The following STK31 variants were observed in gnomAD, a reference collection of about 807,000 sequenced individuals.
STK31 encodes the protein serine/threonine-protein kinase 31.
STK31 carries 89 observed loss-of-function variants against 129.7 expected under a neutral mutation model. The ratio of observed to expected loss-of-function variants is 0.69; its 90% confidence interval spans 0.58 to 0.82. The LOEUF is 0.82. STK31 is among the 40% of genes least tolerant of loss of function. The pLI is 0.00. For synonymous variants in STK31, 448 were observed against 395.3 expected (o/e 1.13, Z -1.58); for missense variants, 1,187 against 1,176.4 (o/e 1.01, Z -0.13).
intron 23 of STK31, among the ~76,000 whole-genome samples, chr7:23,825,942 A>G (rs938802148): frequency 6.6e-6 from 1 of 152,034 alleles, no homozygotes; most frequent in Non-Finnish European, 1.5e-5. Context: ...GTTCTAGTTC[A>G]TTGCACTGTG....
Position 23,814,146 on chromosome 7 carries a change from CTTA to C in STK31, c.2761-995_2761-993del, listed in dbSNP as rs1024286616. On this transcript the variant is annotated intron_variant, in intron 22 of 23. Coordinates refer to ENST00000355870, the MANE Select transcript of STK31 (RefSeq NM_031414.5). ...GTTGGGAAACATCAGATCTGGCTCACTTATTTTTTTTTTTTTTTCAGTTGGGAG... is the reference window on the plus strand; with the variant it reads ...GTTGGGAAACATCAGATCTGGCTCACTTTTTTTTTTTTTTTCAGTTGGGAG... 4.4e-4 allele frequency among the ~76,000 whole-genome samples: 44 copies of C among 98,942 alleles called. 8 individuals are homozygous for C. The South Asian group carries it at 9.4e-3, about 21-fold the overall frequency. 64.9% of individuals were successfully genotyped at this position (98,942 alleles called of 152,430 possible).
At chr7:23,774,743 A>G (rs534415631) in intron 15 of STK31, among the ~76,000 whole-genome samples, 9 of 152,108 alleles carry the variant, frequency 5.9e-5, no homozygotes, top group East Asian at 1.9e-4. Context: ...TCACTCTGAT[A>G]GTAGTTTCTT....
At chr7:23,754,072 A>C (rs1788898387) in intron 9 of STK31, among the ~76,000 whole-genome samples, 1 of 152,114 alleles carries the variant, frequency 6.6e-6, no homozygotes, top group African/African-American at 2.4e-5. Context: ...TATGTCATGA[A>C]ATTAGTATAT....
chr7:23,710,659 T>G (rs946694725), intron 1 of STK31: 1 of 1,155,718 alleles, frequency 8.7e-7, no homozygotes. Flanking sequence ...GTCAGAGAGC[T>G]ACGTGTACCC....
chr7:23,822,441 T>A (rs1793839134), intron 23 of STK31, among the ~76,000 whole-genome samples: 1 of 152,160 alleles, frequency 6.6e-6, no homozygotes, highest in African/African-American at 2.4e-5. Flanking sequence ...AGCTAGTTCA[T>A]TATTGGTTTA....
chr7:23,783,988 A>G (rs1364398375), intron 17 of STK31, among the ~76,000 whole-genome samples: 1 of 152,206 alleles, frequency 6.6e-6, no homozygotes, highest in Non-Finnish European at 1.5e-5. Context: ...GTTAGGATAA[A>G]AACAAGATAT....
intron 6 of STK31, among the ~76,000 whole-genome samples, chr7:23,731,913 C>T (rs1199237882): frequency 6.6e-6 from 1 of 152,148 alleles, no homozygotes; most frequent in Non-Finnish European, 1.5e-5. Flanking sequence ...TGAAGCTTAC[C>T]AGTTTGGAAA....
At chr7:23,726,784 A>T (rs1333980407) in intron 4 of STK31, among the ~76,000 whole-genome samples, 1 of 152,192 alleles carries the variant, frequency 6.6e-6, no homozygotes, top group East Asian at 1.9e-4. Context: ...TAAAGTAAAA[A>T]GTATGAAATC....
rs1166031248 is a variant in STK31 at position 23,710,336 on chromosome 7, G to A, written c.50+1G>A. 6.2e-7 allele frequency: 1 copy of A among 1,613,384 alleles called. No individual in the cohort carries two copies. The highest frequency in any genetic ancestry group is 8.5e-7 in the Non-Finnish European group (1 of 1,179,936). On this transcript the variant is annotated splice_donor_variant, in intron 1 of 23. Coordinates refer to ENST00000355870, the MANE Select transcript of STK31 (RefSeq NM_031414.5). LOFTEE classifies it high-confidence loss of function. Reference sequence around the variant, plus strand: ...GAGCTTCCGCAACGGAAAGTGTGAGGTCAGTAGTAGTTTTTGTGGTACGTG... The same window carrying A: ...GAGCTTCCGCAACGGAAAGTGTGAGATCAGTAGTAGTTTTTGTGGTACGTG...
intron 23 of STK31, among the ~76,000 whole-genome samples, chr7:23,817,714 A>G (rs1643763790): frequency 6.6e-6 from 1 of 152,190 alleles, no homozygotes; most frequent in Admixed American, 6.5e-5. Context: ...AAGTAGAGTA[A>G]TGCTGATTTT....
At position 23,752,752 on chromosome 7, in the gene STK31, C is replaced by G; in HGVS notation, c.1053C>G (p.His351Gln). The change falls in exon 9 of 24, where the codon CAC (histidine) becomes CAG (glutamine). Residue 351 changes from histidine to glutamine, a missense_variant. This residue lies in a region of STK31 where 975 missense variants were observed against 934.9 expected (regional missense o/e 1.04). Coordinates refer to ENST00000355870, the MANE Select transcript of STK31 (RefSeq NM_031414.5). ...CAGCTGCTGTGGATTTGACTAACCA[C>G]TTAGAATACACTCTGAAGACCTATA... ...EKAAAVDLTN[H>Q]LEYTLKTYID... The G allele has an allele frequency of 1.2e-6, 2 of 1,613,770 alleles. No individual in the cohort carries two copies. Among genetic ancestry groups the G allele is most frequent in the Non-Finnish European group, 1.7e-6 (2 of 1,179,870 alleles).
chr7:23,736,170 T>TA (rs1349668457), intron 7 of STK31, among the ~76,000 whole-genome samples: 1 of 152,214 alleles, frequency 6.6e-6, no homozygotes. Context: ...TTATCAAAAA[T>TA]AAAAATCTGC....
chr7:23,710,766 TC>T, intron 1 of STK31: 16 of 1,024,634 alleles, frequency 1.6e-5, no homozygotes, highest in Non-Finnish European at 1.9e-5. Flanking sequence ...GCCTTCATAA[TC>T]AGGGCAAGTC....
At chr7:23,718,379 T>G (rs1786481012) in intron 4 of STK31, among the ~76,000 whole-genome samples, 1 of 152,136 alleles carries the variant, frequency 6.6e-6, no homozygotes, top group Non-Finnish European at 1.5e-5. Flanking sequence ...ATATATCTCT[T>G]AAGATCCTAA....
intron 6 of STK31, among the ~76,000 whole-genome samples, chr7:23,730,878 ATTTTTTTTTTT>A (rs60712892): frequency 3.4e-5 from 2 of 59,554 alleles, no homozygotes; most frequent in African/African-American, 1.2e-4. Flanking sequence ...ATATATATAT[ATTTTTTTTTTT>A]TTTTTTTGGT....
intron 23 of STK31, among the ~76,000 whole-genome samples, chr7:23,816,256 G>T (rs1244881552): frequency 6.6e-6 from 1 of 152,088 alleles, no homozygotes; most frequent in Non-Finnish European, 1.5e-5. Context: ...AAAAGGCTAT[G>T]ATAAAAATTT....
At chr7:23,805,552 C>T (rs142631470) in intron 22 of STK31, among the ~76,000 whole-genome samples, 1 of 152,194 alleles carries the variant, frequency 6.6e-6, no homozygotes, top group East Asian at 1.9e-4. Flanking sequence ...TGGCACTATA[C>T]AGCTCATTGC....
chr7:23,743,414 A>G (rs1210600487), intron 8 of STK31, among the ~76,000 whole-genome samples: 4 of 152,204 alleles, frequency 2.6e-5, no homozygotes, highest in Non-Finnish European at 2.9e-5. Flanking sequence ...TTTGCTGGAT[A>G]TAGTATTCTT....
At position 23,762,912 on chromosome 7, in the gene STK31, A is replaced by G. The variant is rs749672198; in HGVS notation, c.1405A>G (p.Lys469Glu). The change falls in exon 11 of 24, where the codon AAA (lysine) becomes GAA (glutamate). Residue 469 changes from lysine to glutamate, a missense_variant. Transcript: ENST00000355870. ...TGAGTCATCTCTTAATAAACGCTTA[A>G]AAACATTGCAGGTTGGAATTAAAAA... ...VDESSLNKRL[K>E]TLQDLSVSLE... The G allele has an allele frequency of 1.3e-6, 2 of 1,575,764 alleles. No homozygotes were observed.
Sources: gnomAD v4.1 joint callset for allele counts (sites outside exome capture counted in the v4.1 genomes callset) on GRCh38, gnomAD v4.1.1 for gene constraint, gnomAD v4.1.1 regional missense constraint, MANE v1.5 for transcripts, NCBI Gene and HGNC (gene_info 2026-07-23, HGNC 2026-07-21) for gene names.